Variants in SLC25A36 observed in about 807,000 individuals in gnomAD.
The protein encoded by SLC25A36 is solute carrier family 25 member 36.
In SLC25A36, 24 loss-of-function variants were observed where a neutral mutation model predicts 35.3. That is an observed-to-expected ratio of 0.68 (90% CI 0.49 to 0.96). SLC25A36 has a LOEUF of 0.96. SLC25A36 is among the 40% of genes least tolerant of loss of function. The pLI is 0.00. For synonymous variants in SLC25A36, 141 were observed against 132.2 expected (o/e 1.07, Z -0.46); for missense variants, 294 against 381.1 (o/e 0.77, Z 1.90).
intron 4 of SLC25A36, chr3:140,968,776 A>C: frequency 1.1e-6 from 1 of 884,178 alleles, no homozygotes; most frequent in Non-Finnish European, 1.4e-6. Context: ...TTTTATTTAA[A>C]AAAAAAAAAA....
At chr3:140,953,401 G>A (rs538141390) in intron 1 of SLC25A36, among the ~76,000 whole-genome samples, 1 of 149,344 alleles carries the variant, frequency 6.7e-6, no homozygotes, top group African/African-American at 2.5e-5. Context: ...TTTTTTGGGG[G>A]GGGGGTTAAA....
Position 140,970,915 on chromosome 3 carries a change from A to G in SLC25A36, c.386-12A>G, listed in dbSNP as rs369759046. The G allele has an allele frequency of 2.1e-5, 28 of 1,347,766 alleles. No individual in the cohort carries two copies. In the Admixed American group the frequency reaches 3.7e-4, roughly 18 times the overall value. The allele number at this position is 1,347,766 out of a possible 1,614,324, so 83.5% of individuals were successfully genotyped here. On this transcript the variant is annotated splice_polypyrimidine_tract_variant and intron_variant, in intron 4 of 6. Transcript: ENST00000324194. Reference sequence around the variant, plus strand: ...ATTTTTACCAGAGTTCATTTTAAACATGTTTGTTTAGGTTTTACTGCAATC... The same window carrying G: ...ATTTTTACCAGAGTTCATTTTAAACGTGTTTGTTTAGGTTTTACTGCAATC...
rs959365631 is a variant in SLC25A36 at position 140,979,100 on chromosome 3, C to T, written c.*2647C>T. The T allele has an allele frequency of 6.6e-6, 1 of 152,136 alleles. No homozygotes were observed. Among genetic ancestry groups the T allele is most frequent in the Non-Finnish European group, 1.5e-5 (1 of 67,992 alleles). 9.4% of individuals were successfully genotyped at this position (152,136 alleles called of 1,614,324 possible). On this transcript the variant is annotated 3_prime_UTR_variant, in exon 7 of 7. Coordinates refer to ENST00000324194, the MANE Select transcript of SLC25A36 (RefSeq NM_001104647.3). ...TTAATCCCAGGAAAAAAACTATCAC[C>T]AAAAGTTCGTTTGATTCTCATTATG... is the stretch of plus-strand genomic sequence containing the variant.
chr3:140,963,269 A>T, intron 4 of SLC25A36, 42 bp downstream of exon 4: 1 of 1,179,692 alleles, frequency 8.5e-7, no homozygotes, highest in East Asian at 2.6e-5. Context: ...ACTTTCTGAA[A>T]CCTAGAGGCT....
chr3:140,970,854 A>G (rs977680164), intron 4 of SLC25A36, 73 bp from the exon 5 acceptor site: 2 of 719,214 alleles, frequency 2.8e-6, no homozygotes, highest in Middle Eastern at 2.5e-4. Flanking sequence ...AGATTTATCT[A>G]ATTTTTAAAA....
chr3:140,961,544 G>A (rs186987657), intron 3 of SLC25A36, among the ~76,000 whole-genome samples: 75 of 151,950 alleles, frequency 4.9e-4, no homozygotes, highest in African/African-American at 1.7e-3. Flanking sequence ...GGATAAAAGG[G>A]CATATGCATA....
intron 4 of SLC25A36, chr3:140,968,336 A>G: frequency 1.3e-6 from 1 of 785,300 alleles, no homozygotes; most frequent in Non-Finnish European, 1.5e-6. Flanking sequence ...GTTTGCTGGC[A>G]TTTAGGTTAG....
At chr3:140,942,996 G>A (rs915561746) in intron 1 of SLC25A36, among the ~76,000 whole-genome samples, 1 of 152,198 alleles carries the variant, frequency 6.6e-6, no homozygotes, top group African/African-American at 2.4e-5. Context: ...TAGTTACTAT[G>A]TGTGTGCAAG....
At chr3:140,968,124 T>G (rs1031886221) in intron 4 of SLC25A36, 26 of 982,122 alleles carry the variant, frequency 2.6e-5, no homozygotes, top group African/African-American at 2.1e-4. Context: ...TAAATTTTTG[T>G]TTTTTTCCAT....
chr3:140,976,629 G>T lies in SLC25A36; in HGVS notation c.*176G>T. ...TCACACCACATTACTTGGCCTTTCG[G>T]TAATGTGAAAAAAAAAAAAAACCTC... is the stretch of plus-strand genomic sequence containing the variant. On this transcript the variant is annotated 3_prime_UTR_variant, in exon 7 of 7. Coordinates refer to ENST00000324194, the MANE Select transcript of SLC25A36 (RefSeq NM_001104647.3). 1.5e-4 allele frequency: 36 copies of T among 239,238 alleles called. No homozygotes were observed. The highest frequency in any genetic ancestry group is 1.5e-4 in the Non-Finnish European group (22 of 151,642). The allele number at this position is 239,238 out of a possible 1,614,324, so 14.8% of individuals were successfully genotyped here. A position where few individuals can be genotyped will look rare whatever the true frequency, so the allele number is the denominator to read the frequency against.
chr3:140,971,943 TA>T (rs1934914827), intron 5 of SLC25A36, among the ~76,000 whole-genome samples: 1 of 152,188 alleles, frequency 6.6e-6, no homozygotes, highest in African/African-American at 2.4e-5. Context: ...TATGCCTGCT[TA>T]AATATCTGTT....
chr3:140,949,836 T>C (rs1934270367), intron 1 of SLC25A36, among the ~76,000 whole-genome samples: 1 of 152,238 alleles, frequency 6.6e-6, no homozygotes, highest in Admixed American at 6.5e-5. Flanking sequence ...TTGTAACTTT[T>C]TAAAAATAGT....
intron 2 of SLC25A36, among the ~76,000 whole-genome samples, chr3:140,958,960 T>G (rs1054888793): frequency 2.2e-4 from 25 of 112,634 alleles, no homozygotes; most frequent in South Asian, 2.2e-3. Flanking sequence ...AAACAATGTT[T>G]TGTGTGTGTG....
intron 2 of SLC25A36, among the ~76,000 whole-genome samples, chr3:140,958,259 A>G (rs1032042251): frequency 6.6e-6 from 1 of 152,194 alleles, no homozygotes; most frequent in Non-Finnish European, 1.5e-5. Flanking sequence ...GAATTAAAAT[A>G]CCTACTCTTC....
At chr3:140,971,794 T>A (rs989368145) in intron 5 of SLC25A36, among the ~76,000 whole-genome samples, 1 of 152,216 alleles carries the variant, frequency 6.6e-6, no homozygotes, top group Non-Finnish European at 1.5e-5. Context: ...TGTTAATGGT[T>A]TTAAACTATT....
chr3:140,953,398 G>T (rs988790950), intron 1 of SLC25A36, among the ~76,000 whole-genome samples: 2 of 145,378 alleles, frequency 1.4e-5, no homozygotes, highest in Non-Finnish European at 3.0e-5. Context: ...ACATTTTTTG[G>T]GGGGGGGGTT....
rs7609995 is a variant in SLC25A36, at chr3:140,949,563, A to G, written c.42-6964A>G. Among the ~76,000 whole-genome samples the G allele has an allele frequency of 9.1e-3, 1,385 of 152,308 alleles. 10 individuals are homozygous for G. The highest frequency in any genetic ancestry group is 0.016 in the Non-Finnish European group (1,107 of 68,020). ...AGGACATTTGCCTATAAAACTTTAA[A>G]TGAGTGTCAATCTAGGTGGTTTCAC... On this transcript the variant is annotated intron_variant, in intron 1 of 6. Coordinates refer to ENST00000324194, the MANE Select transcript of SLC25A36 (RefSeq NM_001104647.3).
intron 1 of SLC25A36, among the ~76,000 whole-genome samples, chr3:140,948,120 A>AT (rs1163883670): frequency 4.6e-5 from 7 of 152,032 alleles, no homozygotes; most frequent in African/African-American, 1.7e-4. Flanking sequence ...CACCCAGGTA[A>AT]TTTTTTGTAC....
chr3:140,948,147 A>T (rs796325636), intron 1 of SLC25A36, among the ~76,000 whole-genome samples: 1 of 151,940 alleles, frequency 6.6e-6, no homozygotes, highest in Non-Finnish European at 1.5e-5. Context: ...TAGAGACAGG[A>T]TTTCACCATG....
Sources: allele counts gnomAD v4.1 joint callset (sites outside exome capture counted in the v4.1 genomes callset), GRCh38; gene constraint gnomAD v4.1.1; transcripts MANE v1.5; gene names NCBI Gene and HGNC (gene_info 2026-07-23, HGNC 2026-07-21).